ETFA: variants seen among roughly 807,000 people sequenced by gnomAD.
ETFA encodes the protein electron transfer flavoprotein subunit alpha, mitochondrial.
A neutral mutation model predicts 46.2 loss-of-function variants in ETFA; 22 were observed. That is an observed-to-expected ratio of 0.48 (90% confidence interval 0.34 to 0.68). ETFA has a LOEUF of 0.68. Ranked by LOEUF, ETFA falls within the 30% of genes least tolerant of loss-of-function variation. ETFA has a pLI of 0.01. For missense variants in ETFA, 345 were observed against 401.1 expected, an observed-to-expected ratio of 0.86 and a Z score of 1.19; for synonymous variants, 131 against 139.9, an observed-to-expected ratio of 0.94 and a Z score of 0.45.
At chr15:76,228,187 TATTATC>T (rs2039024893) in intron 10 of ETFA, 1 of 356,748 alleles carries the variant, frequency 2.8e-6, no homozygotes, top group African/African-American at 2.1e-5. Flanking sequence ...TAACAATTGT[TATTATC>T]ATTATTACTT....
intron 9 of ETFA, among the ~76,000 whole-genome samples, chr15:76,252,466 C>G (rs1036154780): frequency 2.6e-5 from 4 of 152,160 alleles, no homozygotes; most frequent in African/African-American, 9.7e-5. Flanking sequence ...ACAGATAAAG[C>G]AGACTTTGGC....
At chr15:76,225,815 T>C (rs750720070) in intron 11 of ETFA, 34 bp downstream of exon 11, 96 of 1,265,172 alleles carry the variant, frequency 7.6e-5, no homozygotes, top group Non-Finnish European at 1.0e-4. Context: ...GATGACAATC[T>C]AGATAATAGC....
chr15:76,225,074 A>G (rs1596187899), intron 11 of ETFA, among the ~76,000 whole-genome samples: 2 of 152,162 alleles, frequency 1.3e-5, no homozygotes, highest in African/African-American at 4.8e-5. Flanking sequence ...CACAGCAAGC[A>G]GAGCATTCCT....
chr15:76,225,772 G>C (rs188885811), intron 11 of ETFA, 77 bp downstream of exon 11: 1 of 907,170 alleles, frequency 1.1e-6, no homozygotes, highest in East Asian at 2.4e-5. Context: ...TCTTTTAATA[G>C]CTTCATCCCT....
intron 10 of ETFA, chr15:76,228,044 T>A (rs2039022755): frequency 2.2e-6 from 1 of 449,950 alleles, no homozygotes; most frequent in Admixed American, 2.4e-5. Flanking sequence ...GTTTCTCTTT[T>A]GGGAATGTGT....
At chr15:76,218,620 G>C (rs1489093840) in intron 11 of ETFA, among the ~76,000 whole-genome samples, 1 of 152,196 alleles carries the variant, frequency 6.6e-6, no homozygotes, top group Non-Finnish European at 1.5e-5. Context: ...TTAGGAAAAA[G>C]GAAATGCTAA....
intron 1 of ETFA, among the ~76,000 whole-genome samples, chr15:76,309,470 A>G (rs1008454336): frequency 6.6e-6 from 1 of 152,060 alleles, no homozygotes; most frequent in African/African-American, 2.4e-5. Flanking sequence ...AAACAAACAA[A>G]CAAAAAAAAC....
At chr15:76,287,659 G>A (rs977298812) in intron 5 of ETFA, 187 bp downstream of exon 5, 10 of 534,008 alleles carry the variant, frequency 1.9e-5, no homozygotes, top group Middle Eastern at 5.2e-4. Flanking sequence ...CTGTGTTTGC[G>A]ATCCATCAGA....
At chr15:76,252,639 G>A (rs528775550) in intron 9 of ETFA, among the ~76,000 whole-genome samples, 1 of 152,172 alleles carries the variant, frequency 6.6e-6, no homozygotes, top group East Asian at 1.9e-4. Context: ...ACAACTAAAC[G>A]CAATACTTGG....
chr15:76,232,598 C>A (rs2039080209), intron 9 of ETFA, among the ~76,000 whole-genome samples: 1 of 152,226 alleles, frequency 6.6e-6, no homozygotes, highest in South Asian at 2.1e-4. Context: ...CTTATGATCT[C>A]ATTTAACAAT....
intron 1 of ETFA, among the ~76,000 whole-genome samples, chr15:76,301,203 G>C (rs891586080): frequency 1.3e-5 from 2 of 152,150 alleles, no homozygotes; most frequent in South Asian, 4.1e-4. Context: ...GGACCGTCTC[G>C]GACTAGTTAG....
chr15:76,288,944 GGTCTCATTCT>G (rs1290213454), intron 4 of ETFA, among the ~76,000 whole-genome samples: 3 of 90,720 alleles, frequency 3.3e-5, no homozygotes, highest in African/African-American at 1.2e-4. Flanking sequence ...TTGGAAACAG[GGTCTCATTCT>G]GTTACCCAGG....
rs187827496 is a variant in ETFA, at chr15:76,258,852, C to A, written c.816+15560G>T. ...GGGTGATTTGGTCAGTCCAGGCTTC[C>A]CAGCACAGCTTGGGAGGACTACCAC... On this transcript the variant is annotated intron_variant, in intron 9 of 11. Transcript: ENST00000557943. The A allele has an allele frequency of 6.2e-5, 41 of 657,170 alleles. 1 individual carries two copies. The highest frequency in any genetic ancestry group is 1.3e-5 in the Non-Finnish European group (5 of 373,604). The allele number at this position is 657,170 out of a possible 1,614,324, so 40.7% of individuals were successfully genotyped here.
intron 4 of ETFA, among the ~76,000 whole-genome samples, chr15:76,291,037 G>A: frequency 6.6e-6 from 1 of 152,142 alleles, no homozygotes; most frequent in Non-Finnish European, 1.5e-5. Flanking sequence ...ACAACATAGG[G>A]AGACTACATC....
chr15:76,283,200 T>C (rs1047076478), intron 8 of ETFA, among the ~76,000 whole-genome samples: 1 of 152,196 alleles, frequency 6.6e-6, no homozygotes, highest in African/African-American at 2.4e-5. Context: ...TTTTGTCTTT[T>C]ATTATTTTTG....
intron 9 of ETFA, among the ~76,000 whole-genome samples, chr15:76,256,926 A>G (rs1031655535): frequency 1.3e-5 from 2 of 152,214 alleles, no homozygotes; most frequent in Non-Finnish European, 2.9e-5. Context: ...GCTACCCCAT[A>G]TAGCCTAGGT....
chr15:76,287,757 G>GGTTTGATTTAAAATTCTAT (rs2039716399), intron 5 of ETFA, 89 bp downstream of exon 5: 2 of 989,954 alleles, frequency 2.0e-6, no homozygotes, highest in African/African-American at 1.6e-5. Flanking sequence ...GCAATTGTAT[G>GGTTTGATTTAAAATTCTAT]GTTTGATTTA....
chr15:76,294,268 CTA>C (rs1410224157), intron 2 of ETFA, among the ~76,000 whole-genome samples: 1 of 151,966 alleles, frequency 6.6e-6, no homozygotes, highest in Admixed American at 6.6e-5. Flanking sequence ...TCACAAATTC[CTA>C]TATATCCAAA....
intron 9 of ETFA, among the ~76,000 whole-genome samples, chr15:76,241,281 G>A (rs1286818841): frequency 4.0e-5 from 6 of 151,314 alleles, no homozygotes; most frequent in East Asian, 1.9e-4. Flanking sequence ...TGGGAGGATC[G>A]CTTGAGGCCA....
Sources: gnomAD v4.1 joint callset for allele counts (sites outside exome capture counted in the v4.1 genomes callset) on GRCh38, gnomAD v4.1.1 for gene constraint, MANE v1.5 for transcripts, NCBI Gene and HGNC (gene_info 2026-07-23, HGNC 2026-07-21) for gene names.